Variants in PSG1 observed in about 807,000 individuals in gnomAD.
PSG1 encodes pregnancy-specific beta-1-glycoprotein 1.
In PSG1, 60 loss-of-function variants were observed where a neutral mutation model predicts 41.4. The observed-to-expected ratio is 1.45, with a 90% confidence interval of 1.18 to 1.80. The LOEUF is 1.80. PSG1 is among the 40% of genes most tolerant of loss of function. The pLI is 0.00. For synonymous variants in PSG1, 256 were observed against 192.9 expected (o/e 1.33, Z -2.71); for missense variants, 806 against 516.9 (o/e 1.56, Z -5.42).
Position 42,871,923 on chromosome 19 carries a change from G to T in PSG1, c.553C>A (p.Gln185Lys), listed in dbSNP as rs755328088. The stretch of plus-strand genomic sequence containing the variant: ...AAGCTGTGAGTCATAGGGAGGCTCT[G>T]ACCATTCATCCACCACAGGTAGCTT... Reference protein sequence around the residue: ...DASYLWWMNGQSLPMTHSLKL... With the variant: ...DASYLWWMNGKSLPMTHSLKL... The change falls in exon 3 of 6, where the codon CAG becomes AAG. Residue 185 changes from glutamine (Q) to lysine (K), a missense_variant. Physicochemically the swap from Gln to Lys is moderately conservative, Grantham distance 53 (BLOSUM62 1). Transcript: ENST00000436291. 2.5e-6 allele frequency: 4 copies of T among 1,612,466 alleles called. No homozygotes were observed. In the Admixed American group the frequency reaches 5.0e-5, roughly 20 times the overall value.
chr19:42,867,962 G>A, intron 5 of PSG1, 139 bp downstream of exon 5: 1 of 1,578,304 alleles, frequency 6.3e-7, no homozygotes, highest in Non-Finnish European at 8.6e-7. Flanking sequence ...CAAATTTGGA[G>A]GGTTCAGGAG....
Position 42,868,114 on chromosome 19 carries a change from T to G in PSG1, c.1230A>C (p.Thr410=). 1 of 1,612,420 alleles carries G rather than the reference T, an allele frequency of 6.2e-7. No individual in the cohort carries two copies. Among genetic ancestry groups the G allele is most frequent in the Non-Finnish European group, 8.5e-7 (1 of 1,179,120 alleles). Residue 410 remains threonine, a synonymous_variant, in exon 5 of 6, where the codon ACA becomes ACC. Transcript: ENST00000436291. The part of the protein sequence containing the change: ...ATGKESSKSM[T]VEVSDWTVP The stretch of plus-strand genomic sequence containing the variant: ...GGATCCACTTACCAGAGACTTCGAC[T>G]GTCATGGATTTGGAGCTTTCCTTGC...
chr19:42,866,706 G>C lies in PSG1; in HGVS notation c.*428C>G. The stretch of plus-strand genomic sequence containing the variant: ...GGTGGAGAGAGCCACATTTCCCCCT[G>C]AGATGTTATGTAAAAGTTTGAGGTT... On this transcript the variant is annotated 3_prime_UTR_variant, in exon 6 of 6. Transcript: ENST00000436291. 1 of 382,320 alleles carries C rather than the reference G, an allele frequency of 2.6e-6. No individual in the cohort carries two copies. Among genetic ancestry groups the C allele is most frequent in the Non-Finnish European group, 4.8e-6 (1 of 206,586 alleles). 23.7% of individuals were successfully genotyped at this position (382,320 alleles called of 1,614,324 possible).
Position 42,877,934 on chromosome 19 carries a change from G to A in PSG1, c.409C>T (p.Arg137Cys), listed in dbSNP as rs530270765. The A allele has an allele frequency of 4.8e-5, 77 of 1,612,080 alleles. 4 individuals carry two copies. The highest frequency in any genetic ancestry group is 1.2e-4 in the South Asian group (11 of 90,802). Residue 137 changes from arginine (R) to cysteine (C), a missense_variant, in exon 2 of 6, where the codon CGT (arginine) becomes TGT (cysteine). Coordinates refer to ENST00000436291, the MANE Select transcript of PSG1 (RefSeq NM_001184825.2). ...TTACGGTGTAAGGTGAAGGTGAAAC[G>A]TCCAGTTACTCCTCTAGTCCCATCA... Reference protein sequence around the residue: ...GDDGTRGVTGRFTFTLHLETP... With the variant: ...GDDGTRGVTGCFTFTLHLETP...
rs1285897776 is a variant in PSG1, at chr19:42,868,267, G to T, written c.1077C>A (p.Asn359Lys). The T allele has an allele frequency of 6.2e-7, 1 of 1,612,314 alleles. No individual in the cohort carries two copies. Among genetic ancestry groups the T allele is most frequent in the Admixed American group, 1.7e-5 (1 of 59,854 alleles). Residue 359 changes from asparagine (N) to lysine (K), a missense_variant, in exon 5 of 6, where the codon AAC becomes AAA. By Grantham distance (94) the Asn-to-Lys change is moderately conservative. Transcript: ENST00000436291. ...TTGTCCAAGAATACTGTGCCGGTGGGTTAGAGTCCGCAGAACAGGACAAGT... is the reference window on the plus strand; with the variant it reads ...TTGTCCAAGAATACTGTGCCGGTGGTTTAGAGTCCGCAGAACAGGACAAGT... ...VLYLSCSADS[N>K]PPAQYSWTIN...
At position 42,878,887 on chromosome 19, in the gene PSG1, T is replaced by C. The variant is rs10423717; in HGVS notation, c.65-609A>G. On this transcript the variant is annotated intron_variant, in intron 1 of 5. Transcript: ENST00000436291. ...CCCTCCATGCCCTGGGTGTTTTTTTTCCCCCAATTGTTGAGGTTTCTTGCT... is the reference window on the plus strand; with the variant it reads ...CCCTCCATGCCCTGGGTGTTTTTTTCCCCCCAATTGTTGAGGTTTCTTGCT... Among the ~76,000 whole-genome samples, 46 of 151,562 alleles carry C rather than the reference T, an allele frequency of 3.0e-4. 1 individual carries two copies. Among genetic ancestry groups the C allele is most frequent in the African/African-American group, 9.2e-4 (38 of 41,228 alleles).
Position 42,869,500 on chromosome 19 carries a change from C to T in PSG1, c.710-466G>A, listed in dbSNP as rs118153375. 2.1e-3 allele frequency: 393 copies of T among 184,104 alleles called. 18 individuals carry two copies. In the East Asian group the frequency reaches 0.043, roughly 20 times the overall value. The allele number at this position is 184,104 out of a possible 1,614,324, so 11.4% of individuals were successfully genotyped here. On this transcript the variant is annotated intron_variant, in intron 3 of 5. Transcript: ENST00000436291. ...AGTAATAATGGGACTTCCCTTTGTC[C>T]TGCAACCCTGAAGATACTGAGCAGC...
rs185241562 is a variant in PSG1, at chr19:42,875,697, G to T, written c.430+2216C>A. 6.6e-4 allele frequency among the ~76,000 whole-genome samples: 100 copies of T among 151,666 alleles called. 2 individuals carry two copies. The highest frequency in any genetic ancestry group is 2.4e-3 in the African/African-American group (98 of 41,358). ...CTATCCTTGAAAATCTCTAAGCCCT[G>T]ATCCACTGGGGAGGCTGATTTGAGT... is the stretch of plus-strand genomic sequence containing the variant. On this transcript the variant is annotated intron_variant, in intron 2 of 5. Transcript: ENST00000436291.
chr19:42,868,632 C>T (rs1971241708), intron 4 of PSG1, 124 bp downstream of exon 4: 1 of 1,542,210 alleles, frequency 6.5e-7, no homozygotes, highest in Non-Finnish European at 8.7e-7. Context: ...GGAGTCATGG[C>T]CAGCTCCGAT....
intron 5 of PSG1, chr19:42,867,629 C>G: frequency 1.4e-6 from 1 of 731,284 alleles, no homozygotes; most frequent in Non-Finnish European, 2.5e-6. Context: ...ATGTGTATTA[C>G]CATAAACATA....
At chr19:42,878,475 T>C in intron 1 of PSG1, 197 bp from the exon 2 acceptor site, 1 of 990,664 alleles carries the variant, frequency 1.0e-6, no homozygotes, top group South Asian at 2.2e-5. Flanking sequence ...TGTGTCCTAC[T>C]GTCCTACTAG....
Position 42,871,086 on chromosome 19 carries a change from A to C in PSG1, c.709+681T>G, listed in dbSNP as rs1310437489. On this transcript the variant is annotated intron_variant, in intron 3 of 5. Transcript: ENST00000436291. ...AGACTTCACTGGAAAACATATTGCCAATGCTCCAGGGATCCACTTACCAGG... is the reference window on the plus strand; with the variant it reads ...AGACTTCACTGGAAAACATATTGCCCATGCTCCAGGGATCCACTTACCAGG... Among the ~76,000 whole-genome samples, 95 of 151,624 alleles carry C rather than the reference A, an allele frequency of 6.3e-4. 2 individuals are homozygous for C. Among genetic ancestry groups the C allele is most frequent in the Non-Finnish European group, 1.8e-4 (12 of 67,886 alleles).
At chr19:42,877,793 C>A in intron 2 of PSG1, 120 bp downstream of exon 2, 5 of 1,582,292 alleles carry the variant, frequency 3.2e-6, no homozygotes, top group Non-Finnish European at 4.3e-6. Flanking sequence ...TGCCCAAATC[C>A]CAGCATGGGA....
rs778168760 is a variant in PSG1, at chr19:42,869,045, A to T, written c.710-11T>A. On this transcript the variant is annotated splice_polypyrimidine_tract_variant and intron_variant, in intron 3 of 5. Transcript: ENST00000436291. ...GCTTGGGCAGCTTCGCTGTGTGGATAACAGAGAGAAGATTGTCCTGTGTGG... is the reference window on the plus strand; with the variant it reads ...GCTTGGGCAGCTTCGCTGTGTGGATTACAGAGAGAAGATTGTCCTGTGTGG... 3.1e-6 allele frequency: 5 copies of T among 1,602,974 alleles called. No individual in the cohort carries two copies. Among genetic ancestry groups the T allele is most frequent in the Non-Finnish European group, 4.3e-6 (5 of 1,175,122 alleles).
intron 3 of PSG1, chr19:42,870,457 T>C (rs1470971368): frequency 6.6e-6 from 1 of 151,588 alleles, no homozygotes; most frequent in East Asian, 1.9e-4. Flanking sequence ...ACAGTGGCCA[T>C]GCTGCACTCG....
In PSG1 at chr19:42,866,784, A is replaced by G. The variant is rs1471282961; in HGVS notation, c.*350T>C. Reference sequence around the variant, plus strand: ...TACTCTCAGAAGCTACTACATGTGAAATTCTAATGACTGCATTATCCTGCC... The same window carrying G: ...TACTCTCAGAAGCTACTACATGTGAGATTCTAATGACTGCATTATCCTGCC... On this transcript the variant is annotated 3_prime_UTR_variant, in exon 6 of 6. Coordinates refer to ENST00000436291, the MANE Select transcript of PSG1 (RefSeq NM_001184825.2). The G allele has an allele frequency of 2.2e-5, 12 of 540,478 alleles. No individual in the cohort carries two copies. The highest frequency in any genetic ancestry group is 1.7e-5 in the Non-Finnish European group (5 of 300,826). The allele number at this position is 540,478 out of a possible 1,614,324, so 33.5% of individuals were successfully genotyped here. A position where few individuals can be genotyped will look rare whatever the true frequency, so the allele number is the denominator to read the frequency against.
intron 1 of PSG1, among the ~76,000 whole-genome samples, chr19:42,878,841 T>G (rs996527603): frequency 2.6e-5 from 4 of 151,548 alleles, no homozygotes; most frequent in African/African-American, 9.7e-5. Flanking sequence ...CAGACTCCTG[T>G]AGATGTGAGA....
At chr19:42,876,789 C>T (rs544478125) in intron 2 of PSG1, 1 of 156,992 alleles carries the variant, frequency 6.4e-6, no homozygotes, top group South Asian at 1.8e-4. Context: ...AATCAGCTGA[C>T]CATTTGCTCT....
chr19:42,868,139 C>G lies in PSG1; in HGVS notation c.1205G>C (p.Gly402Ala). Reference protein sequence around the residue: ...YVCSVRNSATGKESSKSMTVE... With the variant: ...YVCSVRNSATAKESSKSMTVE... ...TGTCATGGATTTGGAGCTTTCCTTG[C>G]CAGTGGCTGAGTTACGAACAGAGCA... Residue 402 changes from glycine to alanine, a missense_variant, in exon 5 of 6, where the codon GGC becomes GCC. Gly to Ala is a moderately conservative substitution (Grantham distance 60). Coordinates refer to ENST00000436291, the MANE Select transcript of PSG1 (RefSeq NM_001184825.2). 6.2e-7 allele frequency: 1 copy of G among 1,612,362 alleles called. No homozygotes were observed. The highest frequency in any genetic ancestry group is 8.5e-7 in the Non-Finnish European group (1 of 1,179,116).
Sources: allele counts gnomAD v4.1 joint callset (sites outside exome capture counted in the v4.1 genomes callset), GRCh38; gene constraint gnomAD v4.1.1; transcripts MANE v1.5; gene names NCBI Gene and HGNC (gene_info 2026-07-23, HGNC 2026-07-21).